Variants in NRXN3 observed in about 807,000 individuals in gnomAD.
The protein encoded by NRXN3 is neurexin 3, also known as neurexin III.
In NRXN3, 32 loss-of-function variants were observed where a neutral mutation model predicts 137.6. The ratio of observed to expected loss-of-function variants is 0.23; its 90% CI spans 0.18 to 0.31. The LOEUF (loss-of-function observed/expected upper bound fraction) is 0.31, where lower values mean the gene tolerates loss of function less well. Ranked by LOEUF, NRXN3 falls within the 10% of genes least tolerant of loss-of-function variation. The pLI is 1.00. For synonymous variants in NRXN3, 798 were observed against 784.5 expected (o/e 1.02, Z -0.29); for missense variants, 1,574 against 2,062.5 (o/e 0.76, Z 4.59).
intron 8 of NRXN3, among the ~76,000 whole-genome samples, chr14:78,747,889 A>G (rs1249339112): frequency 2.6e-5 from 4 of 152,138 alleles, no homozygotes; most frequent in African/African-American, 9.7e-5. Context: ...GCTTTTGTGC[A>G]TTATGGGACT....
At chr14:79,618,721 G>A (rs1009276470) in intron 16 of NRXN3, among the ~76,000 whole-genome samples, 2 of 152,092 alleles carry the variant, frequency 1.3e-5, no homozygotes, top group Admixed American at 6.6e-5. Flanking sequence ...ACCTAGTAAT[G>A]GAATTGCTGA....
At chr14:79,398,912 A>G (rs1484819053) in intron 15 of NRXN3, among the ~76,000 whole-genome samples, 1 of 147,352 alleles carries the variant, frequency 6.8e-6, no homozygotes, top group Non-Finnish European at 1.5e-5. Flanking sequence ...CGGTACACTG[A>G]GGCAGGAGAA....
chr14:78,884,583 T>G (rs1046565658), intron 10 of NRXN3, among the ~76,000 whole-genome samples: 1 of 152,202 alleles, frequency 6.6e-6, no homozygotes. Context: ...GGCACTTTAT[T>G]TTCCTATTAA....
At chr14:79,022,506 A>G (rs1439635726) in intron 15 of NRXN3, among the ~76,000 whole-genome samples, 1 of 152,190 alleles carries the variant, frequency 6.6e-6, no homozygotes, top group Non-Finnish European at 1.5e-5. Flanking sequence ...TTCTAGTGTC[A>G]TATTATTGGG....
chr14:78,276,583 T>C (rs2073631749), intron 2 of NRXN3, among the ~76,000 whole-genome samples: 1 of 152,212 alleles, frequency 6.6e-6, no homozygotes, highest in Non-Finnish European at 1.5e-5. Flanking sequence ...CTGATATCAT[T>C]CTCATTTTAT....
intron 17 of NRXN3, among the ~76,000 whole-genome samples, chr14:79,673,967 GCAAAC>G (rs2098626906): frequency 6.6e-6 from 1 of 152,008 alleles, no homozygotes; most frequent in African/African-American, 2.4e-5. Flanking sequence ...GTCTTAGAAG[GCAAAC>G]CCAAAGCTCC....
At chr14:78,978,363 C>T (rs1202860941) in intron 14 of NRXN3, among the ~76,000 whole-genome samples, 1 of 152,090 alleles carries the variant, frequency 6.6e-6, no homozygotes, top group African/African-American at 2.4e-5. Flanking sequence ...GCCTTATGTT[C>T]TATAAAATGT....
intron 15 of NRXN3, among the ~76,000 whole-genome samples, chr14:79,299,389 C>T (rs1206018417): frequency 6.6e-6 from 1 of 152,102 alleles, no homozygotes; most frequent in East Asian, 1.9e-4. Context: ...AGAGAGTAAA[C>T]ATTTCCAGCT....
chr14:78,184,829 T>C (rs1269857810), intron 1 of NRXN3, among the ~76,000 whole-genome samples: 1 of 152,130 alleles, frequency 6.6e-6, no homozygotes, highest in Non-Finnish European at 1.5e-5. Flanking sequence ...GCGCAAGTAG[T>C]TGGGGCAGAT....
intron 19 of NRXN3, among the ~76,000 whole-genome samples, chr14:79,775,007 A>G (rs193237893): frequency 3.7e-4 from 57 of 152,066 alleles, no homozygotes; most frequent in Non-Finnish European, 1.0e-4. Context: ...TACCACTGAA[A>G]TTGTTAAATG....
At chr14:79,399,036 A>AGG (rs1363042282) in intron 15 of NRXN3, among the ~76,000 whole-genome samples, 1 of 149,154 alleles carries the variant, frequency 6.7e-6, no homozygotes, top group Non-Finnish European at 1.5e-5. Flanking sequence ...AAGAAGAAGA[A>AGG]AAAAAAAAAG....
chr14:79,022,964 G>A (rs2099592058), intron 15 of NRXN3, among the ~76,000 whole-genome samples: 1 of 152,042 alleles, frequency 6.6e-6, no homozygotes, highest in Non-Finnish European at 1.5e-5. Context: ...AAAATAGTGG[G>A]GTTCCAGTTG....
intron 4 of NRXN3, among the ~76,000 whole-genome samples, chr14:78,307,046 C>T (rs1325157310): frequency 1.3e-5 from 2 of 152,184 alleles, no homozygotes; most frequent in East Asian, 1.9e-4. Context: ...AGTCAGATCA[C>T]CCACGCTTTA....
intron 19 of NRXN3, among the ~76,000 whole-genome samples, chr14:79,757,485 G>GGTA (rs1259277027): frequency 6.6e-6 from 1 of 152,166 alleles, no homozygotes; most frequent in African/African-American, 2.4e-5. Flanking sequence ...TATATCTGGT[G>GGTA]AAATTATTAT....
chr14:79,223,325 AT>A (rs1474238422), intron 15 of NRXN3, among the ~76,000 whole-genome samples: 9 of 152,082 alleles, frequency 5.9e-5, no homozygotes, highest in Admixed American at 6.6e-5. Flanking sequence ...TATCTTATGG[AT>A]TTTCCCCTCC....
At chr14:79,208,227 G>C (rs768155590) in intron 15 of NRXN3, among the ~76,000 whole-genome samples, 1 of 152,120 alleles carries the variant, frequency 6.6e-6, no homozygotes, top group Non-Finnish European at 1.5e-5. Context: ...CTCTCTGGTG[G>C]GGTTTCTTTC....
intron 15 of NRXN3, among the ~76,000 whole-genome samples, chr14:79,178,874 A>G (rs548463667): frequency 2.6e-5 from 4 of 152,290 alleles, no homozygotes; most frequent in Non-Finnish European, 4.4e-5. Context: ...TTTCTACCAA[A>G]TCATTAATCT....
chr14:78,569,581 T>C (rs1264238742), intron 4 of NRXN3, among the ~76,000 whole-genome samples: 1 of 151,494 alleles, frequency 6.6e-6, no homozygotes, highest in Admixed American at 6.6e-5. Flanking sequence ...TATTTTTTTT[T>C]GAGATGGAGT....
chr14:79,259,371 C>T (rs1288572533), intron 15 of NRXN3, among the ~76,000 whole-genome samples: 1 of 151,972 alleles, frequency 6.6e-6, no homozygotes, highest in African/African-American at 2.4e-5. Flanking sequence ...TGATCTCATA[C>T]AGAAAACTTC....
Sources: gnomAD v4.1 joint callset for allele counts (sites outside exome capture counted in the v4.1 genomes callset) on GRCh38, gnomAD v4.1.1 for gene constraint, MANE v1.5 for transcripts, NCBI Gene and HGNC (gene_info 2026-07-23, HGNC 2026-07-21) for gene names.